Variants in ZNF561 observed in about 807,000 individuals in gnomAD.
The protein encoded by ZNF561 is zinc finger protein 561.
In ZNF561, 16 loss-of-function variants were observed where a neutral mutation model predicts 16.7. The observed-to-expected ratio is 0.96, with a 90% confidence interval of 0.65 to 1.45. ZNF561 has a LOEUF of 1.45. ZNF561 is among the 40% of genes most tolerant of loss of function. ZNF561 has a pLI of 0.00. For missense variants in ZNF561, 580 were observed against 578.0 expected (o/e 1.00, Z -0.04); for synonymous variants, 190 against 192.1 (o/e 0.99, Z 0.09).
intron 4 of ZNF561, among the ~76,000 whole-genome samples, chr19:9,614,684 G>C (rs1243159756): frequency 6.6e-6 from 1 of 152,072 alleles, no homozygotes; most frequent in East Asian, 1.9e-4. Context: ...TAGATAAACA[G>C]CATGTATCAG....
chr19:9,612,151 C>T (rs990211372), intron 5 of ZNF561, among the ~76,000 whole-genome samples: 5 of 152,012 alleles, frequency 3.3e-5, no homozygotes, highest in African/African-American at 9.7e-5. Flanking sequence ...TGGTTTTGAA[C>T]CCCTGACCTC....
intron 3 of ZNF561, chr19:9,617,391 A>G (rs1042005068): frequency 1.0e-5 from 11 of 1,093,364 alleles, no homozygotes; most frequent in Non-Finnish European, 1.3e-5. Context: ...ATTTTTTTAA[A>G]TCTTTTTTTG....
At position 9,617,139 on chromosome 19, in the gene ZNF561, G is replaced by C. The variant is rs765101062; in HGVS notation, c.147C>G (p.Asp49Glu). ...DSVTFDDVAVDFTPEEWALLD... is the reference protein window; with the variant it reads ...DSVTFDDVAVEFTPEEWALLD... ...GTAAAGCCCACTCCTCTGGGGTGAAGTCCACAGCCACATCATCAAACGTCA... is the reference window on the plus strand; with the variant it reads ...GTAAAGCCCACTCCTCTGGGGTGAACTCCACAGCCACATCATCAAACGTCA... The change falls in exon 4 of 6, where the codon GAC (aspartate) becomes GAG (glutamate). Residue 49 changes from aspartate (D) to glutamate (E), a missense_variant. By Grantham distance (45) the Asp-to-Glu change is conservative (BLOSUM62 2). Coordinates refer to ENST00000302851, the MANE Select transcript of ZNF561 (RefSeq NM_152289.3). The C allele has an allele frequency of 1.5e-4, 239 of 1,613,036 alleles. No homozygotes were observed. The highest frequency in any genetic ancestry group is 6.6e-4 in the Middle Eastern group (4 of 6,078).
chr19:9,611,113 C>G lies in ZNF561; in HGVS notation c.548G>C (p.Gly183Ala), dbSNP rs763152873. ...GAGAACTTCAAGATGTACAGCAAGACCTGGAGTTAGAGTAAAGACTTTTCC... is the reference window on the plus strand; with the variant it reads ...GAGAACTTCAAGATGTACAGCAAGAGCTGGAGTTAGAGTAAAGACTTTTCC... Reference protein sequence around the residue: ...PCGKVFTLTPGLAVHLEVLNA... With the variant: ...PCGKVFTLTPALAVHLEVLNA... Residue 183 changes from glycine to alanine, a missense_variant, in exon 6 of 6, where the codon GGT becomes GCT. Coordinates refer to ENST00000302851, the MANE Select transcript of ZNF561 (RefSeq NM_152289.3). 1 of 1,614,084 alleles carries G rather than the reference C, an allele frequency of 6.2e-7. No individual in the cohort carries two copies. Among genetic ancestry groups the G allele is most frequent in the East Asian group, 2.2e-5 (1 of 44,874 alleles).
chr19:9,617,409 ATTT>A, intron 3 of ZNF561: 1 of 834,688 alleles, frequency 1.2e-6, no homozygotes, highest in African/African-American at 1.8e-5. Flanking sequence ...TTGCTGATCT[ATTT>A]TTAATTTTTT....
In ZNF561 at chr19:9,610,770, A is replaced by G. The variant is rs1179337301; in HGVS notation, c.891T>C (p.Asn297=). The change falls in exon 6 of 6, where the codon AAT becomes AAC. Residue 297 remains asparagine (N), a synonymous_variant. Transcript: ENST00000302851. ...TTCCAGTGTGAATTTGAATGTGATCATTAAGGCATGAGGAATTTCTAAAGG... is the reference window on the plus strand; with the variant it reads ...TTCCAGTGTGAATTTGAATGTGATCGTTAAGGCATGAGGAATTTCTAAAGG... ...GRSFRNSSCL[N]DHIQIHTGIK... 8 of 1,614,096 alleles carry G rather than the reference A, an allele frequency of 5.0e-6. No individual in the cohort carries two copies. The African/African-American group carries it at 1.1e-4, about 22-fold the overall frequency.
intron 1 of ZNF561, among the ~76,000 whole-genome samples, chr19:9,620,371 C>T (rs1371015242): frequency 6.6e-6 from 1 of 152,146 alleles, no homozygotes; most frequent in Non-Finnish European, 1.5e-5. Flanking sequence ...ACTACAGGTG[C>T]ACACCACTGG....
intron 4 of ZNF561, among the ~76,000 whole-genome samples, chr19:9,614,840 C>CTTT (rs779251988): frequency 1.5e-5 from 2 of 137,578 alleles, no homozygotes; most frequent in Non-Finnish European, 3.2e-5. Flanking sequence ...CTTTAAAAAT[C>CTTT]TTTTTTTTTT....
At position 9,610,330 on chromosome 19, in the gene ZNF561, G is replaced by A; in HGVS notation, c.1331C>T (p.Thr444Ile). ...TTTACATACGAAGGGTTTCTCTCCG[G>A]TATGAGTTCGCAGGTGAACATTAAG... The part of the protein sequence containing the change: ...SRLNVHLRTH[T>I]GEKPFVCKEC... The change falls in exon 6 of 6, where the codon ACC becomes ATC. Residue 444 changes from threonine (T) to isoleucine (I), a missense_variant. Thr to Ile is a moderately conservative substitution (Grantham distance 89). Coordinates refer to ENST00000302851, the MANE Select transcript of ZNF561 (RefSeq NM_152289.3). 3 of 1,614,124 alleles carry A rather than the reference G, an allele frequency of 1.9e-6. No homozygotes were observed. Among genetic ancestry groups the A allele is most frequent in the Non-Finnish European group, 2.5e-6 (3 of 1,180,026 alleles).
Position 9,610,593 on chromosome 19 carries a change from T to A in ZNF561, c.1068A>T (p.Ile356=). 6.2e-7 allele frequency: 1 copy of A among 1,613,444 alleles called. No homozygotes were observed. Among genetic ancestry groups the A allele is most frequent in the Non-Finnish European group, 8.5e-7 (1 of 1,179,642 alleles). ...AGGGTTTCTTTCCACTGTGACTTCG[T>A]ATGTGTATAGAAAGGCCCGAGTACT... ...FAQYSGLSIH[I]RSHSGKKPYQ... is the part of the protein sequence containing the mutation. Residue 356 remains isoleucine (I), a synonymous_variant, in exon 6 of 6, where the codon ATA becomes ATT. Transcript: ENST00000302851.
Position 9,610,386 on chromosome 19 carries a change from T to C in ZNF561, c.1275A>G (p.Ile425Met). The C allele has an allele frequency of 1.9e-6, 3 of 1,614,054 alleles. No homozygotes were observed. Among genetic ancestry groups the C allele is most frequent in the Non-Finnish European group, 2.5e-6 (3 of 1,179,916 alleles). The change falls in exon 6 of 6, where the codon ATA (isoleucine) becomes ATG (methionine). Residue 425 changes from isoleucine to methionine, a missense_variant. Physicochemically the swap from Ile to Met is conservative, Grantham distance 10. Coordinates refer to ENST00000302851, the MANE Select transcript of ZNF561 (RefSeq NM_152289.3). ...HSGEKPFVCK[I>M]CGKAFLYSSR... The stretch of plus-strand genomic sequence containing the variant: ...AGGAATATAGAAATGCTTTCCCACA[T>C]ATCTTGCATACAAAGGGCTTTTCTC...
Position 9,610,465 on chromosome 19 carries a change from C to G in ZNF561, c.1196G>C (p.Gly399Ala), listed in dbSNP as rs755606222. 1.2e-6 allele frequency: 2 copies of G among 1,612,374 alleles called. No homozygotes were observed. The highest frequency in any genetic ancestry group is 1.7e-6 in the Non-Finnish European group (2 of 1,178,718). ...ACGGGAAGAAGTAATGAAGGTCTTC[C>G]CACATTCAACACATTCATAAGGCTT... ...GEKPYECVEC[G>A]KTFITSSRRS... The change falls in exon 6 of 6, where the codon GGG (glycine) becomes GCG (alanine). Residue 399 changes from glycine (G) to alanine (A), a missense_variant. Coordinates refer to ENST00000302851, the MANE Select transcript of ZNF561 (RefSeq NM_152289.3).
chr19:9,610,947 TGAA>T lies in ZNF561; in HGVS notation c.711_713del (p.Ser238del), dbSNP rs1247432997. 28 of 1,614,084 alleles carry T rather than the reference TGAA, an allele frequency of 1.7e-5. No homozygotes were observed. The highest frequency in any genetic ancestry group is 1.6e-4 in the Middle Eastern group (1 of 6,084). On this transcript the variant is annotated inframe_deletion, in exon 6 of 6. Transcript: ENST00000302851. ...GAACTGCTACACACTGCTTTAGGTG[TGAA>T]GAAGCTGTGACAGCTCTCCCATATT...
Position 9,617,111 on chromosome 19 carries a change from C to A in ZNF561, c.175G>T (p.Asp59Tyr), listed in dbSNP as rs371421678. 6.2e-7 allele frequency: 1 copy of A among 1,613,632 alleles called. No homozygotes were observed. Among genetic ancestry groups the A allele is most frequent in the African/African-American group, 1.3e-5 (1 of 74,920 alleles). ...CTGTAGAGGTATTTCTCAGTTGTGT[C>A]CAGTAAAGCCCACTCCTCTGGGGTG... ...DFTPEEWALL[D>Y]TTEKYLYRDV... Residue 59 changes from aspartate (D) to tyrosine (Y), a missense_variant, in exon 4 of 6, where the codon GAC becomes TAC. Asp to Tyr is a radical substitution (Grantham distance 160). Transcript: ENST00000302851.
At chr19:9,620,491 G>C (rs1260868519) in intron 1 of ZNF561, among the ~76,000 whole-genome samples, 1 of 152,130 alleles carries the variant, frequency 6.6e-6, no homozygotes, top group East Asian at 1.9e-4. Flanking sequence ...CTCCCAAAGT[G>C]CTGGGATAAT....
At chr19:9,611,548 C>A (rs1366260580) in intron 5 of ZNF561, among the ~76,000 whole-genome samples, 1 of 151,908 alleles carries the variant, frequency 6.6e-6, no homozygotes, top group Non-Finnish European at 1.5e-5. Flanking sequence ...CCAGGCTCAA[C>A]TGATTCTCCT....
intron 2 of ZNF561, among the ~76,000 whole-genome samples, chr19:9,618,499 G>T (rs985720380): frequency 6.6e-6 from 1 of 152,116 alleles, no homozygotes; most frequent in Non-Finnish European, 1.5e-5. Flanking sequence ...GGCCGAGGCG[G>T]GTGGATCATG....
In ZNF561 at chr19:9,610,670, G is replaced by A; in HGVS notation, c.991C>T (p.His331Tyr). ...CATTCATAGGGTTTTATTCCAGTGTGAGTTCTTACATGTTCAGTAAGTTGA... is the reference window on the plus strand; with the variant it reads ...CATTCATAGGGTTTTATTCCAGTGTAAGTTCTTACATGTTCAGTAAGTTGA... ...STQLTEHVRT[H>Y]TGIKPYECKE... Residue 331 changes from histidine (H) to tyrosine (Y), a missense_variant, in exon 6 of 6, where the codon CAC (histidine) becomes TAC (tyrosine). By Grantham distance (83) the His-to-Tyr change is moderately conservative (BLOSUM62 2). Coordinates refer to ENST00000302851, the MANE Select transcript of ZNF561 (RefSeq NM_152289.3). 7 of 1,614,178 alleles carry A rather than the reference G, an allele frequency of 4.3e-6. No homozygotes were observed. Among genetic ancestry groups the A allele is most frequent in the Non-Finnish European group, 5.9e-6 (7 of 1,180,028 alleles).
intron 5 of ZNF561, among the ~76,000 whole-genome samples, chr19:9,611,572 G>A (rs906128914): frequency 5.3e-5 from 8 of 151,842 alleles, no homozygotes; most frequent in African/African-American, 2.4e-5. Flanking sequence ...TCAGCCTCCC[G>A]AGTAGCTAGG....
Sources: allele counts gnomAD v4.1 joint callset (sites outside exome capture counted in the v4.1 genomes callset), GRCh38; gene constraint gnomAD v4.1.1; transcripts MANE v1.5; gene names NCBI Gene and HGNC (gene_info 2026-07-23, HGNC 2026-07-21).